The following PRKN variants were observed in gnomAD, a reference collection of about 807,000 sequenced individuals.
PRKN encodes parkin RBR E3 ubiquitin protein ligase.
Under a neutral mutation model 59.5 loss-of-function variants are expected in PRKN, and 56 were observed. The ratio of observed to expected loss-of-function variants is 0.94; its 90% confidence interval spans 0.76 to 1.18. The LOEUF is 1.18. Among genes scored for constraint, PRKN ranks in the 50% most tolerant of loss-of-function variants. The pLI, the probability that PRKN is intolerant of heterozygous loss-of-function variation, is 0.00. For synonymous variants in PRKN, 250 were observed against 222.1 expected, an observed-to-expected ratio of 1.13 and a Z score of -1.12; for missense variants, 657 against 596.4, an observed-to-expected ratio of 1.10 and a Z score of -1.06.
intron 2 of PRKN, among the ~76,000 whole-genome samples, chr6:162,406,615 C>G (rs944540316): frequency 1.2e-4 from 19 of 152,288 alleles, no homozygotes; most frequent in Admixed American, 7.2e-4. Context: ...GTGAGAGTCA[C>G]TCCAGTGAAT....
rs747260312 is a variant in PRKN at position 161,359,653 on chromosome 6, G to A, written c.1285+435C>T. 1.3e-5 allele frequency among the ~76,000 whole-genome samples: 2 copies of A among 152,086 alleles called. No homozygotes were observed. The highest frequency in any genetic ancestry group is 2.9e-5 in the Non-Finnish European group (2 of 68,034). On this transcript the variant is annotated intron_variant, in intron 11 of 11. Transcript: ENST00000366898. The surrounding 1 kb of genome is among the most constrained non-coding windows in gnomAD (Gnocchi z 5.4). Reference sequence around the variant, plus strand: ...ACAGGGATCTTTAAATATAGACGAGGGTTTAATTTTGAATAATGTTGCAAA... The same window carrying A: ...ACAGGGATCTTTAAATATAGACGAGAGTTTAATTTTGAATAATGTTGCAAA...
At position 161,529,302 on chromosome 6, in the gene PRKN, G is replaced by A. The variant is rs1262832755; in HGVS notation, c.1083+19552C>T. Among the ~76,000 whole-genome samples, 1 of 152,138 alleles carries A rather than the reference G, an allele frequency of 6.6e-6. No individual in the cohort carries two copies. Among genetic ancestry groups the A allele is most frequent in the East Asian group, 1.9e-4 (1 of 5,196 alleles). On this transcript the variant is annotated intron_variant, in intron 9 of 11. Transcript: ENST00000366898. This position sits in a 1 kb window ranked among gnomAD's most constrained non-coding sequence, Gnocchi z 4.4. ...TGTTGACACCTGGTTGTGGCTGACG[G>A]CTGTGTCCCTCCAGCTGCCTCACCT...
rs1264698120 is a variant in PRKN at position 161,393,030 on chromosome 6, T to G, written c.1084-6153A>C. Among the ~76,000 whole-genome samples the G allele has an allele frequency of 6.6e-6, 1 of 152,160 alleles. No homozygotes were observed. The highest frequency in any genetic ancestry group is 1.5e-5 in the Non-Finnish European group (1 of 68,048). On this transcript the variant is annotated intron_variant, in intron 9 of 11. Transcript: ENST00000366898. The surrounding 1 kb of genome is among the most constrained non-coding windows in gnomAD (Gnocchi z 4.7). Reference sequence around the variant, plus strand: ...GATTAGTGTTTAGAAGTGAACCCTTTGAGGTAGAGAGACCCGGAGTCTGAG... The same window carrying G: ...GATTAGTGTTTAGAAGTGAACCCTTGGAGGTAGAGAGACCCGGAGTCTGAG...
Position 161,388,833 on chromosome 6 carries a change from T to C in PRKN, c.1084-1956A>G, listed in dbSNP as rs1240059559. ...ACAATAGCCCTGTCTGAGCTTTTAG[T>C]AGACAGCCAGCACCAACTTGCCAGC... On this transcript the variant is annotated intron_variant, in intron 9 of 11. Coordinates refer to ENST00000366898, the MANE Select transcript of PRKN (RefSeq NM_004562.3). This position sits in a 1 kb window ranked among gnomAD's most constrained non-coding sequence, Gnocchi z 4.3. Among the ~76,000 whole-genome samples the C allele has an allele frequency of 6.6e-6, 1 of 152,244 alleles. No individual in the cohort carries two copies. Among genetic ancestry groups the C allele is most frequent in the African/African-American group, 2.4e-5 (1 of 41,470 alleles).
intron 7 of PRKN, among the ~76,000 whole-genome samples, chr6:161,719,560 G>C (rs867581237): frequency 1.8e-4 from 28 of 152,140 alleles, no homozygotes; most frequent in African/African-American, 5.8e-4. Context: ...AGTCATCTCT[G>C]TGTGCACATT....
intron 2 of PRKN, among the ~76,000 whole-genome samples, chr6:162,415,117 G>A (rs533610668): frequency 3.6e-4 from 55 of 152,208 alleles, no homozygotes; most frequent in Non-Finnish European, 6.5e-4. Flanking sequence ...TCGAAGATGC[G>A]GCAGAACCAT....
chr6:161,942,826 C>A (rs1779615014), intron 6 of PRKN, among the ~76,000 whole-genome samples: 2 of 152,102 alleles, frequency 1.3e-5, no homozygotes, highest in South Asian at 4.2e-4. Context: ...ATAAAAAATA[C>A]AGCATATACC....
intron 2 of PRKN, among the ~76,000 whole-genome samples, chr6:162,340,206 T>A (rs1784111520): frequency 6.6e-6 from 1 of 151,356 alleles, no homozygotes; most frequent in Non-Finnish European, 1.5e-5. Flanking sequence ...ACCAAGAAAA[T>A]CAGAAAAGCT....
chr6:161,472,221 G>C (rs918226002), intron 9 of PRKN, among the ~76,000 whole-genome samples: 1 of 152,118 alleles, frequency 6.6e-6, no homozygotes, highest in African/African-American at 2.4e-5. Context: ...AAAGAAAAAC[G>C]TTGTAAAAAT....
chr6:162,657,614 T>C (rs901466119), intron 1 of PRKN, among the ~76,000 whole-genome samples: 2 of 152,214 alleles, frequency 1.3e-5, no homozygotes, highest in Non-Finnish European at 2.9e-5. Flanking sequence ...TTGCCATATT[T>C]TCAATGATAA....
chr6:161,714,111 A>G (rs1316735173), intron 7 of PRKN, among the ~76,000 whole-genome samples: 1 of 152,164 alleles, frequency 6.6e-6, no homozygotes, highest in African/African-American at 2.4e-5. Flanking sequence ...ACACACGGTG[A>G]TTCACAGTGG....
At chr6:161,907,545 T>G (rs546250092) in intron 6 of PRKN, among the ~76,000 whole-genome samples, 1 of 152,284 alleles carries the variant, frequency 6.6e-6, no homozygotes, top group African/African-American at 2.4e-5. Context: ...ATGTTCAAGT[T>G]TTCATCTTTC....
intron 1 of PRKN, among the ~76,000 whole-genome samples, chr6:162,670,516 G>A (rs1028006004): frequency 3.3e-5 from 5 of 152,128 alleles, no homozygotes; most frequent in Admixed American, 6.6e-5. Flanking sequence ...ACAACCTTAC[G>A]CAGCTCTTTA....
At chr6:162,482,162 T>G (rs186489555) in intron 1 of PRKN, among the ~76,000 whole-genome samples, 205 of 152,318 alleles carry the variant, frequency 1.3e-3, no homozygotes, top group African/African-American at 4.7e-3. Context: ...TTAGGTTATG[T>G]CCAAAAAGCC....
chr6:162,304,307 A>T (rs948113583), intron 2 of PRKN, among the ~76,000 whole-genome samples: 1 of 150,788 alleles, frequency 6.6e-6, no homozygotes, highest in African/African-American at 2.4e-5. Flanking sequence ...CACTATAGAA[A>T]TGGAAACTTC....
intron 4 of PRKN, among the ~76,000 whole-genome samples, chr6:162,169,482 C>A (rs913166519): frequency 6.6e-6 from 1 of 151,944 alleles, no homozygotes; most frequent in Non-Finnish European, 1.5e-5. Context: ...AAATTTATCA[C>A]ATGTTATGTA....
chr6:162,297,021 C>T (rs1474192672), intron 2 of PRKN, among the ~76,000 whole-genome samples: 1 of 152,032 alleles, frequency 6.6e-6, no homozygotes, highest in Non-Finnish European at 1.5e-5. Flanking sequence ...CAAAGGGGGC[C>T]AAGAGTTAAC....
chr6:162,709,375 CTTTTT>C (rs34492695), intron 1 of PRKN, among the ~76,000 whole-genome samples: 1 of 147,758 alleles, frequency 6.8e-6, no homozygotes, highest in Non-Finnish European at 1.5e-5. Context: ...GGTCTGAACA[CTTTTT>C]TTTTTTTTTT....
In PRKN at chr6:162,425,983, T is replaced by C. The variant is rs923766296; in HGVS notation, c.171+17327A>G. 7.9e-5 allele frequency among the ~76,000 whole-genome samples: 12 copies of C among 152,274 alleles called. No homozygotes were observed. The South Asian group carries it at 2.5e-3, about 32-fold the overall frequency. ...CTAAAGCTGCAAGAGAGAAACAGAT[T>C]ACCTCCAAAAATACTGCAAGTAGAC... On this transcript the variant is annotated intron_variant, in intron 2 of 11. Transcript: ENST00000366898.
Sources: allele counts gnomAD v4.1 joint callset (sites outside exome capture counted in the v4.1 genomes callset), GRCh38; gene constraint gnomAD v4.1.1; non-coding constraint Gnocchi (gnomAD v3.1); transcripts MANE v1.5; gene names NCBI Gene and HGNC (gene_info 2026-07-23, HGNC 2026-07-21).